Variants in ZNF782 observed in about 807,000 individuals in gnomAD.
The protein encoded by ZNF782 is zinc finger protein 782.
A neutral mutation model predicts 13.0 loss-of-function variants in ZNF782; 12 were observed. The ratio of observed to expected loss-of-function variants is 0.92; its 90% CI spans 0.59 to 1.50. The LOEUF is 1.50. ZNF782 is among the 40% of genes most tolerant of loss of function. The pLI is 0.00. For missense variants in ZNF782, 770 were observed against 822.9 expected (o/e 0.94, Z 0.79); for synonymous variants, 284 against 283.0 (o/e 1.00, Z -0.04).
chr9:96,912,210 A>AG, the ZNF782 span, among the ~76,000 whole-genome samples: 1 of 149,566 alleles, frequency 6.7e-6, no homozygotes, highest in Non-Finnish European at 1.5e-5. Context: ...AAAAAAAAAA[A>AG]AAAAAAAAAA....
At chr9:96,910,928 G>A in the ZNF782 span, among the ~76,000 whole-genome samples, 8 of 149,710 alleles carry the variant, frequency 5.3e-5, no homozygotes, top group African/African-American at 1.2e-4. Flanking sequence ...GAGCCATCGC[G>A]CCCGGCCTGC....
chr9:96,929,776 G>A, the ZNF782 span, among the ~76,000 whole-genome samples: 26 of 152,092 alleles, frequency 1.7e-4, no homozygotes, highest in Non-Finnish European at 3.1e-4. Flanking sequence ...ACTTCCTCTC[G>A]TCAGCTAGCT....
Position 96,827,192 on chromosome 9 carries a change from G to A in ZNF782, c.143-11C>T, listed in dbSNP as rs1216887733. 6.3e-7 allele frequency: 1 copy of A among 1,585,014 alleles called. No homozygotes were observed. Among genetic ancestry groups the A allele is most frequent in the Non-Finnish European group, 8.6e-7 (1 of 1,159,424 alleles). On this transcript the variant is annotated splice_polypyrimidine_tract_variant and intron_variant, in intron 4 of 5. Coordinates refer to ENST00000481138, the MANE Select transcript of ZNF782 (RefSeq NM_001001662.3). Reference sequence around the variant, plus strand: ...TTGTAAAGCAGTAGCCTATAAATGGGAAACAATTTAGCATTTGCATTAGTT... The same window carrying A: ...TTGTAAAGCAGTAGCCTATAAATGGAAAACAATTTAGCATTTGCATTAGTT...
chr9:96,878,235 A>T (rs1851918282), upstream of ZNF782, among the ~76,000 whole-genome samples: 1 of 152,154 alleles, frequency 6.6e-6, no homozygotes, highest in African/African-American at 2.4e-5. Context: ...TTTTTAGTAG[A>T]GACAGGGTTT....
chr9:96,852,056 C>T, intron 2 of ZNF782, 51 bp from the exon 3 acceptor site: 1 of 1,237,486 alleles, frequency 8.1e-7, no homozygotes, highest in Non-Finnish European at 1.2e-6. Context: ...CTCACAGCTC[C>T]TAGATTAGCC....
chr9:96,911,816 A>C, the ZNF782 span, among the ~76,000 whole-genome samples: 1 of 151,566 alleles, frequency 6.6e-6, no homozygotes, highest in South Asian at 2.1e-4. Context: ...CACCACGCCC[A>C]GCCCTGAAAA....
At chr9:96,868,108 C>T (rs1193932338) in intron 1 of ZNF782, among the ~76,000 whole-genome samples, 4 of 152,166 alleles carry the variant, frequency 2.6e-5, no homozygotes, top group Admixed American at 1.3e-4. Context: ...CTCAAAGAAT[C>T]GCTGAGAAAC....
In ZNF782 at chr9:96,827,069, C is replaced by T. The variant is rs1218705661; in HGVS notation, c.244+11G>A. 2.5e-6 allele frequency: 4 copies of T among 1,584,054 alleles called. No individual in the cohort carries two copies. The highest frequency in any genetic ancestry group is 3.5e-6 in the Non-Finnish European group (4 of 1,157,946). ...CAGAGAACCTTCTTCTTGTTGAATT[C>T]AGTAACTCACCTGGGGAGTTCCTGC... On this transcript the variant is annotated intron_variant, in intron 5 of 5. Transcript: ENST00000481138.
chr9:96,892,794 A>G, the ZNF782 span: 2 of 152,120 alleles, frequency 1.3e-5, no homozygotes, highest in Admixed American at 6.6e-5. Flanking sequence ...TATCTGGCTT[A>G]TATCATTCGT....
chr9:96,904,754 A>T, the ZNF782 span, among the ~76,000 whole-genome samples: 6 of 106,836 alleles, frequency 5.6e-5, no homozygotes, highest in Non-Finnish European at 9.7e-5. Context: ...ATATCTAAGA[A>T]CTTTTTGTCT....
the ZNF782 span, among the ~76,000 whole-genome samples, chr9:96,912,997 A>C: frequency 6.6e-6 from 1 of 151,874 alleles, no homozygotes; most frequent in Non-Finnish European, 1.5e-5. Flanking sequence ...GGCTTTCAAA[A>C]ATATCAAGGT....
At position 96,819,697 on chromosome 9, in the gene ZNF782, T is replaced by C; in HGVS notation, c.326A>G (p.Lys109Arg). The C allele has an allele frequency of 6.2e-7, 1 of 1,611,580 alleles. No individual in the cohort carries two copies. The highest frequency in any genetic ancestry group is 8.5e-7 in the Non-Finnish European group (1 of 1,179,512). ...AATTTCTTGCTCTGTAGTCAATAAT[T>C]TATTGGTGAATAAAACTTGCAACAA... is the stretch of plus-strand genomic sequence containing the variant. The part of the protein sequence containing the change: ...KHLLQVLFTN[K>R]LLTTEQEISG... Residue 109 changes from lysine (K) to arginine (R), a missense_variant, in exon 6 of 6, where the codon AAA becomes AGA. Physicochemically the swap from Lys to Arg is conservative, Grantham distance 26. Coordinates refer to ENST00000481138, the MANE Select transcript of ZNF782 (RefSeq NM_001001662.3).
the ZNF782 span, among the ~76,000 whole-genome samples, chr9:96,881,523 A>G: frequency 7.9e-5 from 12 of 152,136 alleles, no homozygotes; most frequent in African/African-American, 2.4e-4. Flanking sequence ...TTTCTTCAAT[A>G]AAGTTGCATA....
chr9:96,897,218 C>A, the ZNF782 span, among the ~76,000 whole-genome samples: 2 of 152,154 alleles, frequency 1.3e-5, no homozygotes, highest in Admixed American at 6.5e-5. Context: ...ACGGAAGATA[C>A]CAAATTCTAC....
chr9:96,901,558 C>T, the ZNF782 span, among the ~76,000 whole-genome samples: 4 of 151,894 alleles, frequency 2.6e-5, no homozygotes, highest in Admixed American at 2.0e-4. Flanking sequence ...AGACGTGAGC[C>T]GCTGCGCCCA....
chr9:96,906,355 T>C, the ZNF782 span, among the ~76,000 whole-genome samples: 15 of 148,808 alleles, frequency 1.0e-4, no homozygotes, highest in Non-Finnish European at 2.1e-4. Context: ...TGACACTATC[T>C]ACCTGGAGAG....
chr9:96,863,053 A>G (rs1247237315), intron 1 of ZNF782, among the ~76,000 whole-genome samples: 2 of 152,226 alleles, frequency 1.3e-5, no homozygotes, highest in Admixed American at 6.5e-5. Flanking sequence ...ACCAGGAACT[A>G]TGCTCCAAAC....
the ZNF782 span, among the ~76,000 whole-genome samples, chr9:96,911,403 C>T: frequency 8.4e-6 from 1 of 119,098 alleles, no homozygotes; most frequent in East Asian, 2.9e-4. Flanking sequence ...CGCGCCACTG[C>T]ACTCCGGCCT....
At chr9:96,901,460 C>T in the ZNF782 span, among the ~76,000 whole-genome samples, 27 of 150,572 alleles carry the variant, frequency 1.8e-4, no homozygotes, top group Non-Finnish European at 3.1e-4. Context: ...TTAGTAGAGA[C>T]GAGGTTTCAT....
Sources: allele counts gnomAD v4.1 joint callset (sites outside exome capture counted in the v4.1 genomes callset), GRCh38; gene constraint gnomAD v4.1.1; transcripts MANE v1.5; gene names NCBI Gene and HGNC (gene_info 2026-07-23, HGNC 2026-07-21).